The following ADGRL2 variants were observed in gnomAD, a reference collection of about 807,000 sequenced individuals.
The protein encoded by ADGRL2 is calcium-independent alpha-latrotoxin receptor 2.
ADGRL2 carries 44 observed loss-of-function variants against 157.4 expected under a neutral mutation model. The observed-to-expected ratio is 0.28, with a 90% CI of 0.22 to 0.36. ADGRL2 has a LOEUF of 0.36. ADGRL2 is among the 10% of genes least tolerant of loss of function. ADGRL2 has a pLI of 1.00. For synonymous variants in ADGRL2, 585 were observed against 624.7 expected, an observed-to-expected ratio of 0.94 and a Z score of 0.95; for missense variants, 1,510 against 1,768.9, an observed-to-expected ratio of 0.85 and a Z score of 2.63.
intron 2 of ADGRL2, among the ~76,000 whole-genome samples, chr1:81,544,001 AG>A (rs2079953237): frequency 6.6e-6 from 1 of 151,872 alleles, no homozygotes; most frequent in Admixed American, 6.6e-5. Flanking sequence ...ACTTCCTTCC[AG>A]TCATTTGCTC....
At chr1:81,361,151 G>A (rs2075971495) in intron 1 of ADGRL2, among the ~76,000 whole-genome samples, 1 of 151,822 alleles carries the variant, frequency 6.6e-6, no homozygotes, top group Non-Finnish European at 1.5e-5. Context: ...ATTCTATTGG[G>A]CATCATTCGT....
chr1:81,877,174 T>A (rs528884999), intron 2 of ADGRL2, among the ~76,000 whole-genome samples: 12 of 152,264 alleles, frequency 7.9e-5, no homozygotes, highest in African/African-American at 2.4e-4. Flanking sequence ...TTCTCAGGAT[T>A]GACTTTCCCA....
intron 1 of ADGRL2, among the ~76,000 whole-genome samples, chr1:81,398,184 T>C (rs1406455528): frequency 1.3e-5 from 2 of 152,196 alleles, no homozygotes; most frequent in Non-Finnish European, 2.9e-5. Flanking sequence ...CCCTTCATTT[T>C]CAGTCTATTT....
intron 1 of ADGRL2, among the ~76,000 whole-genome samples, chr1:81,809,468 G>C (rs1175595470): frequency 6.6e-6 from 1 of 151,928 alleles, no homozygotes; most frequent in Admixed American, 6.6e-5. Flanking sequence ...GGCTATGAGA[G>C]ATGGGAGAAG....
Position 81,993,542 on chromosome 1 carries a change from G to A in ADGRL2, c.*2397G>A, listed in dbSNP as rs1391241414. ...ACCTAAATGGCTACTGTTCTCTAAC[G>A]TCTTTATCCTATGGATTCAATTTGG... On this transcript the variant is annotated 3_prime_UTR_variant, in exon 24 of 24. Coordinates refer to ENST00000686636, the MANE Select transcript of ADGRL2 (RefSeq NM_001366006.2). Among the ~76,000 whole-genome samples, 8 of 152,138 alleles carry A rather than the reference G, an allele frequency of 5.3e-5. No individual in the cohort carries two copies. Among genetic ancestry groups the A allele is most frequent in the Non-Finnish European group, 1.0e-4 (7 of 67,990 alleles).
At chr1:81,605,243 T>C (rs1435421612) in intron 3 of ADGRL2, among the ~76,000 whole-genome samples, 2 of 152,134 alleles carry the variant, frequency 1.3e-5, no homozygotes, top group Non-Finnish European at 2.9e-5. Context: ...CCCTGCTTAA[T>C]TACAAGGCTG....
chr1:81,527,876 G>A (rs2079501194), intron 2 of ADGRL2, among the ~76,000 whole-genome samples: 1 of 152,002 alleles, frequency 6.6e-6, no homozygotes, highest in African/African-American at 2.4e-5. Flanking sequence ...GACCATCCTG[G>A]CTAACACGGT....
chr1:81,830,600 C>T (rs772895765), intron 1 of ADGRL2, among the ~76,000 whole-genome samples: 3 of 152,024 alleles, frequency 2.0e-5, no homozygotes, highest in South Asian at 4.2e-4. Flanking sequence ...CTCCACCTTC[C>T]GGGTTCAAGC....
chr1:81,903,797 TATACACATTTTATATACACAC>T (rs1043753283), intron 2 of ADGRL2, among the ~76,000 whole-genome samples: 1 of 136,572 alleles, frequency 7.3e-6, no homozygotes, highest in African/African-American at 2.8e-5. Context: ...ATTATATATA[TATACACATTTTATATACACAC>T]ACACACACAC....
At chr1:81,318,452 A>C (rs188247324) in intron 1 of ADGRL2, among the ~76,000 whole-genome samples, 45 of 152,300 alleles carry the variant, frequency 3.0e-4, no homozygotes, top group African/African-American at 1.1e-3. Context: ...CCTCATGTTT[A>C]TCTGTAAAAT....
intron 3 of ADGRL2, among the ~76,000 whole-genome samples, chr1:81,610,321 G>A (rs1570631916): frequency 1.3e-5 from 2 of 149,974 alleles, no homozygotes; most frequent in East Asian, 2.0e-4. Flanking sequence ...AGTTTAGAGA[G>A]CAGCTAGACT....
At chr1:81,344,699 T>G (rs933777228) in intron 1 of ADGRL2, among the ~76,000 whole-genome samples, 6 of 147,146 alleles carry the variant, frequency 4.1e-5, no homozygotes, top group African/African-American at 1.3e-4. Flanking sequence ...AAGCAGATTA[T>G]ATTTAAAAGT....
intron 1 of ADGRL2, among the ~76,000 whole-genome samples, chr1:81,831,416 G>A (rs1370906913): frequency 1.3e-5 from 2 of 151,818 alleles, no homozygotes; most frequent in Admixed American, 1.3e-4. Context: ...CTATTCTTTT[G>A]GTGTTTCCTC....
At chr1:81,409,773 AAAG>A (rs1458297142) in intron 1 of ADGRL2, among the ~76,000 whole-genome samples, 1 of 152,216 alleles carries the variant, frequency 6.6e-6, no homozygotes, top group East Asian at 1.9e-4. Context: ...TAACATCTCA[AAAG>A]AAGAAGTGTG....
At chr1:81,874,217 T>C (rs2093771175) in intron 2 of ADGRL2, among the ~76,000 whole-genome samples, 1 of 152,164 alleles carries the variant, frequency 6.6e-6, no homozygotes, top group South Asian at 2.1e-4. Flanking sequence ...GAAATTGTCA[T>C]GTAGCTTTAA....
intron 2 of ADGRL2, among the ~76,000 whole-genome samples, chr1:81,451,145 A>G: frequency 6.6e-6 from 1 of 151,984 alleles, no homozygotes. Flanking sequence ...CATTGATCAT[A>G]CCTTTTTTCT....
intron 2 of ADGRL2, among the ~76,000 whole-genome samples, chr1:81,513,403 T>C (rs982608833): frequency 7.2e-5 from 11 of 152,180 alleles, no homozygotes; most frequent in African/African-American, 2.7e-4. Flanking sequence ...ATATATGAAA[T>C]GTAGATACTA....
At chr1:81,796,570 T>C (rs1440804342), upstream of ADGRL2, among the ~76,000 whole-genome samples, 2 of 152,202 alleles carry the variant, frequency 1.3e-5, no homozygotes, top group African/African-American at 4.8e-5. Context: ...AAGAATATCG[T>C]TTTAAATTTG....
intron 3 of ADGRL2, among the ~76,000 whole-genome samples, chr1:81,622,434 A>G (rs868793775): frequency 6.6e-6 from 1 of 152,132 alleles, no homozygotes; most frequent in Non-Finnish European, 1.5e-5. Context: ...TACAAAAATT[A>G]GCTGGGCGTG....
Sources: gnomAD v4.1 joint callset for allele counts (sites outside exome capture counted in the v4.1 genomes callset) on GRCh38, gnomAD v4.1.1 for gene constraint, MANE v1.5 for transcripts, NCBI Gene and HGNC (gene_info 2026-07-23, HGNC 2026-07-21) for gene names.